The following RCAN2 variants were observed in gnomAD, a reference collection of about 807,000 sequenced individuals.
RCAN2 encodes the protein regulator of calcineurin 2.
A neutral mutation model predicts 23.6 loss-of-function variants in RCAN2; 9 were observed. The ratio of observed to expected loss-of-function variants is 0.38; its 90% CI spans 0.23 to 0.67. RCAN2 has a LOEUF of 0.67. Among genes scored for constraint, RCAN2 ranks in the 30% least tolerant of loss-of-function variants. The pLI, the probability that RCAN2 is intolerant of heterozygous loss-of-function variation, is 0.51. For synonymous variants in RCAN2, 109 were observed against 115.7 expected (o/e 0.94, Z 0.37); for missense variants, 273 against 302.3 (o/e 0.90, Z 0.72).
At chr6:46,359,787 T>C (rs571257781) in intron 2 of RCAN2, among the ~76,000 whole-genome samples, 1 of 152,184 alleles carries the variant, frequency 6.6e-6, no homozygotes, top group Non-Finnish European at 1.5e-5. Flanking sequence ...GAATATATCC[T>C]GTTTGTGTGA....
intron 2 of RCAN2, among the ~76,000 whole-genome samples, chr6:46,428,828 T>C (rs1767107534): frequency 6.6e-6 from 1 of 152,230 alleles, no homozygotes; most frequent in South Asian, 2.1e-4. Context: ...CATTCCTCCA[T>C]CTGCTTTCTT....
chr6:46,410,363 G>T (rs886738585), intron 2 of RCAN2, among the ~76,000 whole-genome samples: 1 of 152,072 alleles, frequency 6.6e-6, no homozygotes, highest in Admixed American at 6.6e-5. Flanking sequence ...CTTTCCTACT[G>T]GTTCCGACTT....
intron 2 of RCAN2, 102 bp downstream of exon 2, chr6:46,456,650 A>T: frequency 1.2e-6 from 1 of 861,244 alleles, no homozygotes; most frequent in Non-Finnish European, 1.8e-6. Context: ...CCAACTAAAC[A>T]TTTCCAAAAA....
intron 4 of RCAN2, among the ~76,000 whole-genome samples, chr6:46,244,492 G>A (rs139855273): frequency 1.3e-5 from 2 of 152,194 alleles, no homozygotes. Context: ...CTTGCCCCTA[G>A]CTTTTTCTGC....
intron 2 of RCAN2, among the ~76,000 whole-genome samples, chr6:46,309,231 A>G (rs567688275): frequency 3.3e-4 from 50 of 152,320 alleles, no homozygotes; most frequent in South Asian, 6.2e-4. Context: ...TTGCCATTTC[A>G]TAGATAAGCA....
intron 2 of RCAN2, chr6:46,325,552 G>A (rs1422056731): frequency 5.0e-6 from 8 of 1,594,902 alleles, no homozygotes; most frequent in Non-Finnish European, 8.5e-7. Flanking sequence ...CTTCCAGATG[G>A]ATATTGCTGT....
chr6:46,367,954 C>A (rs546434831), intron 2 of RCAN2, among the ~76,000 whole-genome samples: 1 of 152,268 alleles, frequency 6.6e-6, no homozygotes, highest in Admixed American at 6.5e-5. Flanking sequence ...TGTCTCTACT[C>A]TCTGCTCTAA....
At chr6:46,471,236 C>T (rs1436591424) in intron 1 of RCAN2, among the ~76,000 whole-genome samples, 2 of 152,178 alleles carry the variant, frequency 1.3e-5, no homozygotes, top group Non-Finnish European at 2.9e-5. Context: ...AGAGGAGTTT[C>T]AGGAACTGAC....
intron 2 of RCAN2, among the ~76,000 whole-genome samples, chr6:46,255,636 G>A (rs969415649): frequency 2.6e-5 from 4 of 152,114 alleles, no homozygotes; most frequent in African/African-American, 7.2e-5. Flanking sequence ...AAAGAATAGC[G>A]AGGTAAGAGG....
intron 2 of RCAN2, among the ~76,000 whole-genome samples, chr6:46,393,304 T>A (rs899503324): frequency 1.3e-5 from 2 of 152,198 alleles, no homozygotes; most frequent in African/African-American, 4.8e-5. Flanking sequence ...TTATGTAACT[T>A]CCATGAACCT....
chr6:46,246,712 C>G (rs771308332), intron 4 of RCAN2, 36 bp downstream of exon 4: 23 of 1,599,104 alleles, frequency 1.4e-5, no homozygotes, highest in Non-Finnish European at 2.6e-6. Context: ...AGGTTGCTGA[C>G]AAACGTTTAT....
chr6:46,452,992 C>T (rs1024215324), intron 2 of RCAN2, among the ~76,000 whole-genome samples: 1 of 152,140 alleles, frequency 6.6e-6, no homozygotes, highest in Non-Finnish European at 1.5e-5. Context: ...TTTGGCTAAA[C>T]ATTTCAGTCA....
intron 4 of RCAN2, among the ~76,000 whole-genome samples, 197 bp from the exon 5 acceptor site, chr6:46,223,498 T>C (rs1417255508): frequency 1.3e-5 from 2 of 152,284 alleles, no homozygotes; most frequent in Middle Eastern, 3.4e-3. Context: ...ACTTATCAAC[T>C]GTGCAACCCC....
At chr6:46,280,412 G>A (rs1003979849) in intron 2 of RCAN2, among the ~76,000 whole-genome samples, 1 of 151,674 alleles carries the variant, frequency 6.6e-6, no homozygotes, top group African/African-American at 2.4e-5. Context: ...AACCCTTAAC[G>A]GTTAAAAGGA....
At chr6:46,474,812 T>C (rs1768667848) in intron 1 of RCAN2, among the ~76,000 whole-genome samples, 1 of 152,082 alleles carries the variant, frequency 6.6e-6, no homozygotes, top group Non-Finnish European at 1.5e-5. Context: ...TTGAACACAA[T>C]TGGGGGTGAG....
chr6:46,232,864 A>G (rs1045450603), intron 4 of RCAN2, among the ~76,000 whole-genome samples: 1 of 151,380 alleles, frequency 6.6e-6, no homozygotes, highest in African/African-American at 2.4e-5. Context: ...AGTAGAATCT[A>G]CATGTGTACC....
chr6:46,359,988 TGAC>T (rs1187882203), intron 2 of RCAN2, among the ~76,000 whole-genome samples: 2 of 152,176 alleles, frequency 1.3e-5, no homozygotes, highest in Non-Finnish European at 2.9e-5. Flanking sequence ...GTCCTTCACT[TGAC>T]ACAAATCCTG....
intron 1 of RCAN2, among the ~76,000 whole-genome samples, chr6:46,469,165 G>T (rs889672424): frequency 6.6e-6 from 1 of 152,114 alleles, no homozygotes; most frequent in African/African-American, 2.4e-5. Context: ...TCAACCAAGG[G>T]CCACAACTGA....
At chr6:46,446,714 A>G (rs1561909491) in intron 2 of RCAN2, among the ~76,000 whole-genome samples, 2 of 152,316 alleles carry the variant, frequency 1.3e-5, no homozygotes, top group Non-Finnish European at 2.9e-5. Context: ...AAATGCGGAA[A>G]GAGGAGTAAA....
Sources: allele counts gnomAD v4.1 joint callset (sites outside exome capture counted in the v4.1 genomes callset), GRCh38; gene constraint gnomAD v4.1.1; transcripts MANE v1.5; gene names NCBI Gene and HGNC (gene_info 2026-07-23, HGNC 2026-07-21).